Variants in PTPRR observed in about 807,000 individuals in gnomAD.
PTPRR encodes the protein receptor-type tyrosine-protein phosphatase R.
PTPRR carries 38 observed loss-of-function variants against 77.2 expected under a neutral mutation model. The observed-to-expected ratio is 0.49, with a 90% CI of 0.38 to 0.65. PTPRR has a LOEUF of 0.65. Ranked by LOEUF, PTPRR falls within the 30% of genes least tolerant of loss-of-function variation. The pLI is 0.00. For synonymous variants in PTPRR, 299 were observed against 283.1 expected, an observed-to-expected ratio of 1.06 and a Z score of -0.57; for missense variants, 744 against 799.2, an observed-to-expected ratio of 0.93 and a Z score of 0.83.
intron 2 of PTPRR, among the ~76,000 whole-genome samples, chr12:70,797,094 G>A (rs1325663849): frequency 6.6e-6 from 1 of 152,106 alleles, no homozygotes; most frequent in African/African-American, 2.4e-5. Context: ...CCTTCTCTTT[G>A]CTTTTGACTA....
At chr12:70,853,520 T>C (rs915471932) in intron 2 of PTPRR, among the ~76,000 whole-genome samples, 2 of 152,234 alleles carry the variant, frequency 1.3e-5, no homozygotes, top group African/African-American at 2.4e-5. Context: ...TGCCCAACCA[T>C]ATGTTGTCTT....
intron 8 of PTPRR, among the ~76,000 whole-genome samples, chr12:70,689,155 A>C (rs1418759868): frequency 6.6e-6 from 1 of 152,136 alleles, no homozygotes; most frequent in East Asian, 1.9e-4. Flanking sequence ...TATATTTCAA[A>C]ATAGCTGAAA....
chr12:70,901,219 G>T (rs1252836528), intron 1 of PTPRR, among the ~76,000 whole-genome samples: 3 of 151,434 alleles, frequency 2.0e-5, no homozygotes, highest in African/African-American at 7.3e-5. Flanking sequence ...ACTAAAAATA[G>T]AACTACCATA....
At chr12:70,712,867 C>T (rs1888877593) in intron 6 of PTPRR, among the ~76,000 whole-genome samples, 2 of 150,344 alleles carry the variant, frequency 1.3e-5, no homozygotes, top group African/African-American at 4.9e-5. Context: ...TATATATACT[C>T]CCTCCTCTTT....
At chr12:70,859,883 C>A (rs745634847) in intron 2 of PTPRR, among the ~76,000 whole-genome samples, 2 of 152,068 alleles carry the variant, frequency 1.3e-5, no homozygotes, top group Non-Finnish European at 2.9e-5. Flanking sequence ...AAACCAAGTG[C>A]TCAAAAAACA....
At chr12:70,673,909 T>C (rs1019607970) in intron 10 of PTPRR, among the ~76,000 whole-genome samples, 2 of 152,300 alleles carry the variant, frequency 1.3e-5, no homozygotes, top group South Asian at 2.1e-4. Context: ...CTTCAAAAAA[T>C]TGACTTTTGT....
rs146083772 is a variant in PTPRR at position 70,721,488 on chromosome 12, A to C, written c.1008-20165T>G. ...GTCCAAATAGATTATCACACAAATCAAAAGGTGGACTATTGTGGGGGAGGA... is the reference window on the plus strand; with the variant it reads ...GTCCAAATAGATTATCACACAAATCCAAAGGTGGACTATTGTGGGGGAGGA... On this transcript the variant is annotated intron_variant, in intron 6 of 13. Transcript: ENST00000283228. Among the ~76,000 whole-genome samples, 323 of 152,312 alleles carry C rather than the reference A, an allele frequency of 2.1e-3. 2 individuals are homozygous for C. Among genetic ancestry groups the C allele is most frequent in the African/African-American group, 7.6e-3 (318 of 41,582 alleles).
intron 6 of PTPRR, among the ~76,000 whole-genome samples, chr12:70,731,624 G>T (rs575278214): frequency 5.9e-5 from 9 of 152,320 alleles, no homozygotes; most frequent in Non-Finnish European, 1.0e-4. Flanking sequence ...CACATAGGGT[G>T]GTTGGATAAT....
intron 2 of PTPRR, among the ~76,000 whole-genome samples, chr12:70,821,881 G>T (rs1466704959): frequency 2.0e-5 from 3 of 151,740 alleles, no homozygotes; most frequent in Non-Finnish European, 2.9e-5. Flanking sequence ...AGCCAGGATG[G>T]TCTTGATCTC....
At chr12:70,673,386 A>T (rs1341081744) in intron 10 of PTPRR, among the ~76,000 whole-genome samples, 1 of 152,188 alleles carries the variant, frequency 6.6e-6, no homozygotes, top group Non-Finnish European at 1.5e-5. Context: ...TGCTCAAAAG[A>T]ACAAACACCG....
chr12:70,641,657 T>C (rs1479420056), intron 13 of PTPRR, among the ~76,000 whole-genome samples: 1 of 152,122 alleles, frequency 6.6e-6, no homozygotes, highest in Non-Finnish European at 1.5e-5. Flanking sequence ...AAAATAAAAA[T>C]GAAAAAAACT....
chr12:70,760,121 T>A (rs992473524), intron 4 of PTPRR, among the ~76,000 whole-genome samples: 2 of 152,200 alleles, frequency 1.3e-5, no homozygotes, highest in Admixed American at 6.5e-5. Context: ...TGCATTCAAA[T>A]TACATTTGTC....
intron 1 of PTPRR, among the ~76,000 whole-genome samples, chr12:70,911,355 C>T (rs1463815118): frequency 3.3e-5 from 5 of 152,126 alleles, no homozygotes; most frequent in African/African-American, 1.2e-4. Flanking sequence ...GAGCAGCATC[C>T]CTCGTCCATG....
chr12:70,803,700 G>A (rs1891657818), intron 2 of PTPRR, among the ~76,000 whole-genome samples: 1 of 152,152 alleles, frequency 6.6e-6, no homozygotes, highest in Admixed American at 6.5e-5. Context: ...TGAGGAAAGA[G>A]ATTCTCTACC....
chr12:70,842,693 A>G (rs1892416665), intron 2 of PTPRR, among the ~76,000 whole-genome samples: 1 of 152,264 alleles, frequency 6.6e-6, no homozygotes, highest in Non-Finnish European at 1.5e-5. Flanking sequence ...CACACTTGTC[A>G]TTGGATTGAG....
intron 2 of PTPRR, among the ~76,000 whole-genome samples, chr12:70,789,694 T>A (rs773531392): frequency 6.6e-6 from 1 of 152,126 alleles, no homozygotes; most frequent in Non-Finnish European, 1.5e-5. Flanking sequence ...AATAGTCTGA[T>A]AGAAAAAGGG....
intron 10 of PTPRR, among the ~76,000 whole-genome samples, chr12:70,683,615 C>T (rs1394808190): frequency 1.3e-5 from 2 of 152,130 alleles, no homozygotes; most frequent in Non-Finnish European, 2.9e-5. Flanking sequence ...TTCCACTTAG[C>T]CTGCTCTACT....
intron 2 of PTPRR, among the ~76,000 whole-genome samples, chr12:70,791,862 A>C (rs537797635): frequency 3.9e-5 from 6 of 152,342 alleles, no homozygotes; most frequent in Non-Finnish European, 7.4e-5. Flanking sequence ...ATACAAAATT[A>C]CCATGTGTAT....
intron 2 of PTPRR, among the ~76,000 whole-genome samples, chr12:70,790,096 T>C (rs1235523978): frequency 6.6e-6 from 1 of 152,198 alleles, no homozygotes; most frequent in East Asian, 1.9e-4. Context: ...ATTTTTCTAA[T>C]TTATATTCAA....
Sources: allele counts gnomAD v4.1 joint callset (sites outside exome capture counted in the v4.1 genomes callset), GRCh38; gene constraint gnomAD v4.1.1; transcripts MANE v1.5; gene names NCBI Gene and HGNC (gene_info 2026-07-23, HGNC 2026-07-21).